The following MAPKAP1 variants were observed in gnomAD, a reference collection of about 807,000 sequenced individuals.
The protein encoded by MAPKAP1 is MAPK associated protein 1, also known as target of rapamycin complex 2 subunit MAPKAP1.
Under a neutral mutation model 65.7 loss-of-function variants are expected in MAPKAP1, and 20 were observed. The ratio of observed to expected loss-of-function variants is 0.30; its 90% CI spans 0.21 to 0.44. MAPKAP1 has a LOEUF of 0.44. Among genes scored for constraint, MAPKAP1 ranks in the 20% least tolerant of loss-of-function variants. MAPKAP1 has a pLI of 1.00. For synonymous variants in MAPKAP1, 222 were observed against 244.3 expected, an observed-to-expected ratio of 0.91 and a Z score of 0.85; for missense variants, 423 against 648.0, an observed-to-expected ratio of 0.65 and a Z score of 3.77.
intron 7 of MAPKAP1, among the ~76,000 whole-genome samples, chr9:125,514,352 C>T (rs1319143775): frequency 1.3e-5 from 2 of 152,162 alleles, no homozygotes; most frequent in Non-Finnish European, 2.9e-5. Context: ...CGCTGCCTCC[C>T]CCAGCCTCGA....
chr9:125,589,695 T>C (rs1413578729), intron 4 of MAPKAP1, among the ~76,000 whole-genome samples: 1 of 152,214 alleles, frequency 6.6e-6, no homozygotes, highest in Non-Finnish European at 1.5e-5. Context: ...TTTAGAGTAA[T>C]TCCACTTTGC....
At chr9:125,670,929 AG>A (rs1313293810) in intron 2 of MAPKAP1, among the ~76,000 whole-genome samples, 1 of 152,244 alleles carries the variant, frequency 6.6e-6, no homozygotes, top group Admixed American at 6.5e-5. Context: ...GCATTGTGGT[AG>A]GGAAACACTG....
chr9:125,680,534 G>A (rs1296499031), intron 1 of MAPKAP1, among the ~76,000 whole-genome samples: 18 of 152,074 alleles, frequency 1.2e-4, no homozygotes, highest in Admixed American at 1.2e-3. Flanking sequence ...TCTTCTCCAT[G>A]TGAATATGCC....
intron 7 of MAPKAP1, among the ~76,000 whole-genome samples, chr9:125,531,586 CAT>C (rs1410793448): frequency 6.6e-6 from 1 of 152,126 alleles, no homozygotes; most frequent in African/African-American, 2.4e-5. Context: ...TACAAGAATA[CAT>C]GTTTGTACAT....
chr9:125,494,704 T>C, intron 8 of MAPKAP1, among the ~76,000 whole-genome samples: 1 of 152,180 alleles, frequency 6.6e-6, no homozygotes, highest in Non-Finnish European at 1.5e-5. Context: ...CCCAAGCTCC[T>C]TCTCATCTCA....
intron 5 of MAPKAP1, among the ~76,000 whole-genome samples, chr9:125,563,610 T>C (rs1289441938): frequency 1.3e-5 from 2 of 152,210 alleles, no homozygotes; most frequent in Non-Finnish European, 2.9e-5. Flanking sequence ...AAGAGTAAAA[T>C]GACTGGCATT....
chr9:125,544,590 A>G (rs1444137908), intron 6 of MAPKAP1, among the ~76,000 whole-genome samples: 1 of 152,156 alleles, frequency 6.6e-6, no homozygotes, highest in Non-Finnish European at 1.5e-5. Context: ...AATACTACTC[A>G]CTACACTTGG....
At chr9:125,676,909 A>C (rs1834662124) in intron 1 of MAPKAP1, among the ~76,000 whole-genome samples, 1 of 152,230 alleles carries the variant, frequency 6.6e-6, no homozygotes, top group African/African-American at 2.4e-5. Flanking sequence ...AAAGCTTTTA[A>C]ATTATGTACT....
At chr9:125,450,049 A>G (rs1162729714) in intron 10 of MAPKAP1, among the ~76,000 whole-genome samples, 1 of 151,886 alleles carries the variant, frequency 6.6e-6, no homozygotes, top group East Asian at 1.9e-4. Context: ...CAGCCTCCTG[A>G]GTAGCTGGTA....
intron 3 of MAPKAP1, among the ~76,000 whole-genome samples, chr9:125,662,626 T>C (rs1020378872): frequency 6.6e-6 from 1 of 152,090 alleles, no homozygotes; most frequent in Non-Finnish European, 1.5e-5. Context: ...GAGCTTGCAG[T>C]GAGCCAAGAT....
chr9:125,527,597 A>C (rs940904637), intron 7 of MAPKAP1, among the ~76,000 whole-genome samples: 4 of 152,194 alleles, frequency 2.6e-5, no homozygotes, highest in African/African-American at 9.7e-5. Context: ...GAGAGAATGA[A>C]GACTTAGGCT....
At chr9:125,582,836 T>C (rs1831665819) in intron 5 of MAPKAP1, among the ~76,000 whole-genome samples, 1 of 152,184 alleles carries the variant, frequency 6.6e-6, no homozygotes, top group Non-Finnish European at 1.5e-5. Flanking sequence ...CCATGACATA[T>C]GGAGAAAATA....
chr9:125,455,771 A>G (rs571290153), intron 10 of MAPKAP1, among the ~76,000 whole-genome samples: 186 of 152,360 alleles, frequency 1.2e-3, no homozygotes, highest in Admixed American at 2.2e-3. Context: ...CAGTTTGCCA[A>G]TTCCTGCTGG....
chr9:125,489,710 G>A (rs1301776687), intron 8 of MAPKAP1, among the ~76,000 whole-genome samples: 2 of 152,156 alleles, frequency 1.3e-5, no homozygotes, highest in Non-Finnish European at 2.9e-5. Flanking sequence ...AAGAGGCCAC[G>A]GCAGGCAAAG....
intron 8 of MAPKAP1, 54 bp from the exon 9 acceptor site, chr9:125,484,637 G>C (rs1227105998): frequency 1.3e-6 from 2 of 1,534,002 alleles, no homozygotes; most frequent in Non-Finnish European, 1.8e-6. Flanking sequence ...TTGGCAAATG[G>C]TGTCTGCTTA....
At chr9:125,564,019 G>A (rs763342543) in intron 5 of MAPKAP1, among the ~76,000 whole-genome samples, 1 of 152,192 alleles carries the variant, frequency 6.6e-6, no homozygotes, top group Non-Finnish European at 1.5e-5. Context: ...CCAGCAAAGG[G>A]TATTATTAGT....
chr9:125,610,547 A>G (rs1046442547), intron 4 of MAPKAP1, among the ~76,000 whole-genome samples: 3 of 152,194 alleles, frequency 2.0e-5, no homozygotes, highest in Non-Finnish European at 4.4e-5. Flanking sequence ...TCTATAACCT[A>G]TAATAAGACC....
At chr9:125,567,257 C>T (rs979406474) in intron 5 of MAPKAP1, among the ~76,000 whole-genome samples, 21 of 152,200 alleles carry the variant, frequency 1.4e-4, no homozygotes, top group Non-Finnish European at 1.5e-4. Flanking sequence ...GAGGCTGAAA[C>T]CTACTGGGCT....
intron 1 of MAPKAP1, among the ~76,000 whole-genome samples, chr9:125,703,589 C>T (rs1233551360): frequency 6.6e-6 from 1 of 152,010 alleles, no homozygotes; most frequent in Non-Finnish European, 1.5e-5. Flanking sequence ...CTGGCCAACA[C>T]AGCAAAACCC....
Sources: allele counts gnomAD v4.1 joint callset (sites outside exome capture counted in the v4.1 genomes callset), GRCh38; gene constraint gnomAD v4.1.1; transcripts MANE v1.5; gene names NCBI Gene and HGNC (gene_info 2026-07-23, HGNC 2026-07-21).